Variants in TTC27 observed in about 807,000 individuals in gnomAD.
TTC27 encodes tetratricopeptide repeat protein 27.
A neutral mutation model predicts 115.9 loss-of-function variants in TTC27; 79 were observed. The observed-to-expected ratio is 0.68, with a 90% CI of 0.57 to 0.82. The LOEUF (loss-of-function observed/expected upper bound fraction) is 0.82, where lower values mean the gene tolerates loss of function less well. Among genes scored for constraint, TTC27 ranks in the 40% least tolerant of loss-of-function variants. The pLI is 0.00. For missense variants in TTC27, 1,054 were observed against 993.1 expected, an observed-to-expected ratio of 1.06 and a Z score of -0.82; for synonymous variants, 401 against 356.0, an observed-to-expected ratio of 1.13 and a Z score of -1.42.
intron 13 of TTC27, among the ~76,000 whole-genome samples, chr2:32,768,556 A>G (rs1490519664): frequency 6.6e-6 from 1 of 152,240 alleles, no homozygotes; most frequent in African/African-American, 2.4e-5. Context: ...AGGAAATGAT[A>G]ATGGACAGAA....
chr2:32,678,374 A>G (rs1031304816), intron 8 of TTC27, among the ~76,000 whole-genome samples: 2 of 151,722 alleles, frequency 1.3e-5, no homozygotes, highest in Non-Finnish European at 2.9e-5. Context: ...GACAAACTCT[A>G]CATTTGTATA....
chr2:32,796,315 G>A (rs1372283815), intron 16 of TTC27, among the ~76,000 whole-genome samples: 1 of 152,068 alleles, frequency 6.6e-6, no homozygotes, highest in African/African-American at 2.4e-5. Context: ...CAAATAAATG[G>A]AAACACATCT....
rs1037627 is a variant in TTC27, at chr2:32,814,485, C to G, written c.2308+1870C>G. Among the ~76,000 whole-genome samples, 79 of 151,980 alleles carry G rather than the reference C, an allele frequency of 5.2e-4. 3 individuals carry two copies. The highest frequency in any genetic ancestry group is 7.4e-5 in the Non-Finnish European group (5 of 67,984). ...AATCATTTCCTTGTTACTTTTGTAC[C>G]TTAGTGCAGAAAGAATAAGCTGGAT... On this transcript the variant is annotated intron_variant, in intron 18 of 19. Transcript: ENST00000317907.
At chr2:32,649,265 C>T (rs1240536403) in intron 4 of TTC27, among the ~76,000 whole-genome samples, 2 of 152,080 alleles carry the variant, frequency 1.3e-5, no homozygotes, top group African/African-American at 4.8e-5. Flanking sequence ...GTATTTCTTA[C>T]TGTGTAGATT....
At chr2:32,818,879 A>G (rs1440671000) in intron 19 of TTC27, among the ~76,000 whole-genome samples, 1 of 152,074 alleles carries the variant, frequency 6.6e-6, no homozygotes, top group Non-Finnish European at 1.5e-5. Flanking sequence ...TTGCCTCTTT[A>G]AATAATTAAC....
chr2:32,644,508 A>G (rs1365535087), intron 4 of TTC27, among the ~76,000 whole-genome samples: 1 of 152,160 alleles, frequency 6.6e-6, no homozygotes, highest in Non-Finnish European at 1.5e-5. Context: ...GCTGTAAACA[A>G]CTTTTGACTT....
Position 32,678,899 on chromosome 2 carries a change from G to C in TTC27, c.1096G>C (p.Val366Leu), listed in dbSNP as rs200896110. Reference sequence around the variant, plus strand: ...TAACCCAGTGCACACATTAACTGAAGTGGAGCTTCTGGCATTTACATCAGT... The same window carrying C: ...TAACCCAGTGCACACATTAACTGAACTGGAGCTTCTGGCATTTACATCAGT... ...KNNPVHTLTE[V>L]ELLAFTSCLL... Residue 366 changes from valine (V) to leucine (L), a missense_variant, in exon 9 of 20, where the codon GTG becomes CTG. Physicochemically the swap from Val to Leu is conservative, Grantham distance 32. Coordinates refer to ENST00000317907, the MANE Select transcript of TTC27 (RefSeq NM_017735.5). 575 of 1,613,368 alleles carry C rather than the reference G, an allele frequency of 3.6e-4. 1 individual carries two copies. In the Admixed American group the frequency reaches 7.1e-3, roughly 20 times the overall value.
intron 16 of TTC27, among the ~76,000 whole-genome samples, chr2:32,802,170 A>G (rs957538895): frequency 6.6e-6 from 1 of 152,162 alleles, no homozygotes; most frequent in Non-Finnish European, 1.5e-5. Flanking sequence ...TGTTAGATTT[A>G]GTTTCCAGAT....
intron 7 of TTC27, among the ~76,000 whole-genome samples, chr2:32,668,128 T>A (rs1665860958): frequency 6.6e-6 from 1 of 151,542 alleles, no homozygotes. Context: ...GAGACGGAGC[T>A]TGCAGTGAGC....
chr2:32,766,490 G>A (rs1370386235), intron 13 of TTC27: 2 of 457,192 alleles, frequency 4.4e-6, no homozygotes, highest in Non-Finnish European at 9.0e-6. Flanking sequence ...CCTGAGGAGA[G>A]GGAGAAGATA....
intron 10 of TTC27, among the ~76,000 whole-genome samples, chr2:32,732,376 T>C (rs964798378): frequency 2.0e-5 from 3 of 152,212 alleles, no homozygotes; most frequent in Non-Finnish European, 2.9e-5. Context: ...GTCAACGAAG[T>C]GTTGTGTAAT....
intron 10 of TTC27, among the ~76,000 whole-genome samples, chr2:32,713,202 C>T (rs537224796): frequency 5.1e-4 from 77 of 152,230 alleles, no homozygotes; most frequent in African/African-American, 1.8e-3. Context: ...AATCTCTGCT[C>T]GTTATAGGTG....
chr2:32,751,303 TGC>T (rs1669006159), intron 12 of TTC27, among the ~76,000 whole-genome samples: 2 of 94,072 alleles, frequency 2.1e-5, no homozygotes, highest in Non-Finnish European at 4.8e-5. Context: ...CACACACACA[TGC>T]ACACACATAT....
intron 9 of TTC27, among the ~76,000 whole-genome samples, chr2:32,698,628 C>T (rs1396913592): frequency 6.6e-6 from 1 of 151,622 alleles, no homozygotes; most frequent in Non-Finnish European, 1.5e-5. Context: ...TACAGGCGCC[C>T]CCCACCACGC....
intron 14 of TTC27, chr2:32,779,919 G>A: frequency 3.9e-6 from 1 of 254,640 alleles, no homozygotes; most frequent in Non-Finnish European, 8.7e-6. Flanking sequence ...CCTATTAATA[G>A]TCTTGTCACT....
In TTC27 at chr2:32,659,862, C is replaced by T. The variant is rs906365305; in HGVS notation, c.641-4441C>T. On this transcript the variant is annotated intron_variant, in intron 5 of 19. Coordinates refer to ENST00000317907, the MANE Select transcript of TTC27 (RefSeq NM_017735.5). ...ACATGAACTCATCCTTTTTTATAGC[C>T]GTATGGTATTCCATGGTGTATATGT... Among the ~76,000 whole-genome samples, 4 of 152,072 alleles carry T rather than the reference C, an allele frequency of 2.6e-5. No individual in the cohort carries two copies. In the South Asian group the frequency reaches 6.2e-4, roughly 24 times the overall value.
At chr2:32,732,353 A>G (rs78906340) in intron 10 of TTC27, among the ~76,000 whole-genome samples, 2,616 of 152,314 alleles carry the variant, frequency 0.017, 67 homozygotes, top group African/African-American at 0.06. Flanking sequence ...TTGACTGAAT[A>G]ACATCTTGGA....
chr2:32,685,013 T>C (rs1033131988), intron 9 of TTC27, among the ~76,000 whole-genome samples: 1 of 138,340 alleles, frequency 7.2e-6, no homozygotes, highest in African/African-American at 2.6e-5. Flanking sequence ...CTTTGCCTTT[T>C]CCTTTTTTTT....
rs570527532 is a variant in TTC27 at position 32,751,405 on chromosome 2, C to T, written c.1453-6887C>T. Among the ~76,000 whole-genome samples the T allele has an allele frequency of 5.9e-5, 9 of 152,154 alleles. No individual in the cohort carries two copies. The South Asian group carries it at 1.5e-3, about 25-fold the overall frequency. ...ACTCTTTTAATGAGAAGAGTATGTA[C>T]GCTTCAGGGGCTTTTGCTTGGCCCT... On this transcript the variant is annotated intron_variant, in intron 12 of 19. Coordinates refer to ENST00000317907, the MANE Select transcript of TTC27 (RefSeq NM_017735.5).
Sources: gnomAD v4.1 joint callset for allele counts (sites outside exome capture counted in the v4.1 genomes callset) on GRCh38, gnomAD v4.1.1 for gene constraint, MANE v1.5 for transcripts, NCBI Gene and HGNC (gene_info 2026-07-23, HGNC 2026-07-21) for gene names.